RPS6KA1: variants seen among roughly 807,000 people sequenced by gnomAD.
RPS6KA1 encodes the protein ribosomal protein S6 kinase A1, also known as ribosomal protein S6 kinase alpha-1.
RPS6KA1 carries 48 observed loss-of-function variants against 91.3 expected under a neutral mutation model. That is an observed-to-expected ratio of 0.53 (90% confidence interval 0.42 to 0.67). RPS6KA1 has a LOEUF of 0.67. RPS6KA1 is among the 30% of genes least tolerant of loss of function. RPS6KA1 has a pLI of 0.00. For missense variants in RPS6KA1, 719 were observed against 960.5 expected (o/e 0.75, Z 3.32); for synonymous variants, 359 against 384.7 (o/e 0.93, Z 0.78).
intron 2 of RPS6KA1, among the ~76,000 whole-genome samples, chr1:26,545,335 AT>A (rs35845328): frequency 2.9e-4 from 41 of 142,586 alleles, no homozygotes; most frequent in East Asian, 8.2e-4. Flanking sequence ...CGCCTGGCCA[AT>A]TTTTTTTTTT....
rs977853643 is a variant in RPS6KA1, at chr1:26,571,289, A to G, written c.1591-160A>G. ...CTACACAGAGTCAGTAGCAGCAGCA[A>G]TAAGACCATCATTTCAGCCCCTTCC... On this transcript the variant is annotated intron_variant, in intron 17 of 21. Coordinates refer to ENST00000374168, the MANE Select transcript of RPS6KA1 (RefSeq NM_002953.4). The surrounding 1 kb of genome is among the most constrained non-coding windows in gnomAD (Gnocchi z 5.1). 3.5e-5 allele frequency: 23 copies of G among 656,550 alleles called. No individual in the cohort carries two copies. The Admixed American group carries it at 4.7e-4, about 13-fold the overall frequency. 40.7% of individuals were successfully genotyped at this position (656,550 alleles called of 1,614,324 possible). A position where few individuals can be genotyped will look rare whatever the true frequency, so the allele number is the denominator to read the frequency against.
At chr1:26,544,909 A>G (rs1304826248) in intron 2 of RPS6KA1, among the ~76,000 whole-genome samples, 2 of 151,150 alleles carry the variant, frequency 1.3e-5, no homozygotes, top group East Asian at 2.0e-4. Context: ...CCTATTGGGT[A>G]TATGTCCCCA....
In RPS6KA1 at chr1:26,571,834, CT is replaced by C. The variant is rs773462174; in HGVS notation, c.1753-14del. ...TGCCCCCCCAGACTGACCACCTCCC[CT>C]GCCCTGTTGCCAGGTGCTGAAGCGC... is the stretch of plus-strand genomic sequence containing the variant. On this transcript the variant is annotated splice_polypyrimidine_tract_variant and intron_variant, in intron 18 of 21. Transcript: ENST00000374168. This position sits in a 1 kb window ranked among gnomAD's most constrained non-coding sequence, Gnocchi z 5.1. The C allele has an allele frequency of 1.9e-6, 3 of 1,606,660 alleles. No homozygotes were observed. Among genetic ancestry groups the C allele is most frequent in the Non-Finnish European group, 2.5e-6 (3 of 1,179,378 alleles).
Position 26,557,010 on chromosome 1 carries a change from C to T in RPS6KA1, c.994C>T (p.Arg332Cys), listed in dbSNP as rs758148586. 21 of 1,613,710 alleles carry T rather than the reference C, an allele frequency of 1.3e-5. No individual in the cohort carries two copies. In the East Asian group the frequency reaches 1.3e-4, roughly 10 times the overall value. ...CCCCACTGTGCAGAAGCTATACCGT[C>T]GTGAGATCAAGCCACCCTTCAAGCC... The part of the protein sequence containing the change: ...STIDWNKLYR[R>C]EIKPPFKPAV... The change falls in exon 13 of 22, where the codon CGT (arginine) becomes TGT (cysteine). Residue 332 changes from arginine to cysteine, a missense_variant. By Grantham distance (180) the Arg-to-Cys change is radical (BLOSUM62 -3). Around this residue, in one of 5 missense-constraint regions of RPS6KA1, gnomAD observed 228 missense variants for 247.6 expected, o/e 0.92. Transcript: ENST00000374168.
At position 26,547,531 on chromosome 1, in the gene RPS6KA1, C is replaced by T. The variant is rs1299607142; in HGVS notation, c.307+261C>T. On this transcript the variant is annotated intron_variant, in intron 4 of 21. Transcript: ENST00000374168. The surrounding 1 kb of genome is among the most constrained non-coding windows in gnomAD (Gnocchi z 4.1). ...TGTGTTTGTCAGGGGGCGGGGCCCTCAACTACCAAGCTGGTCAAGCAGAGG... is the reference window on the plus strand; with the variant it reads ...TGTGTTTGTCAGGGGGCGGGGCCCTTAACTACCAAGCTGGTCAAGCAGAGG... The T allele has an allele frequency of 4.7e-6, 2 of 427,656 alleles. No individual in the cohort carries two copies. Among genetic ancestry groups the T allele is most frequent in the Non-Finnish European group, 8.8e-6 (2 of 228,234 alleles). The allele number at this position is 427,656 out of a possible 1,614,324, so 26.5% of individuals were successfully genotyped here. A position where few individuals can be genotyped will look rare whatever the true frequency, so the allele number is the denominator to read the frequency against.
intron 13 of RPS6KA1, among the ~76,000 whole-genome samples, chr1:26,557,721 A>G (rs1285642416): frequency 2.0e-5 from 3 of 150,356 alleles, no homozygotes; most frequent in African/African-American, 7.4e-5. Flanking sequence ...ACCTCCTATA[A>G]GGGCATGTTT....
rs1002261865 is a variant in RPS6KA1, at chr1:26,574,595, C to G, written c.*394C>G. On this transcript the variant is annotated 3_prime_UTR_variant, in exon 22 of 22. Transcript: ENST00000374168. The surrounding 1 kb of genome is among the most constrained non-coding windows in gnomAD (Gnocchi z 4.3). ...GCTTTGGGATCCCACCCTGGGGACC[C>G]CCACGATTGGCCACCTGTAGCCATC... is the stretch of plus-strand genomic sequence containing the variant. 2 of 397,074 alleles carry G rather than the reference C, an allele frequency of 5.0e-6. No homozygotes were observed. Among genetic ancestry groups the G allele is most frequent in the Admixed American group, 6.0e-5 (2 of 33,376 alleles). 24.6% of individuals were successfully genotyped at this position (397,074 alleles called of 1,614,324 possible). A position where few individuals can be genotyped will look rare whatever the true frequency, so the allele number is the denominator to read the frequency against.
intron 17 of RPS6KA1, among the ~76,000 whole-genome samples, chr1:26,562,931 G>C (rs1314311087): frequency 6.8e-6 from 1 of 146,266 alleles, no homozygotes. Context: ...CTGCCTCCCG[G>C]GTTCAAGTGA....
In RPS6KA1 at chr1:26,561,017, C is replaced by G; in HGVS notation, c.1342-28C>G. 1 of 1,608,642 alleles carries G rather than the reference C, an allele frequency of 6.2e-7. No individual in the cohort carries two copies. The highest frequency in any genetic ancestry group is 2.2e-5 in the East Asian group (1 of 44,832). ...AGGACCCTGGACCCTGTCACCCTGA[C>G]ACTGCCACATGCACCCCCTTTCTTC... is the stretch of plus-strand genomic sequence containing the variant. On this transcript the variant is annotated intron_variant, in intron 15 of 21. Transcript: ENST00000374168. The surrounding 1 kb of genome is among the most constrained non-coding windows in gnomAD (Gnocchi z 5.7).
intron 2 of RPS6KA1, chr1:26,546,040 G>A: frequency 6.2e-7 from 1 of 1,611,188 alleles, no homozygotes; most frequent in Non-Finnish European, 8.5e-7. Flanking sequence ...GACTCGGTGA[G>A]TGTGCCCGAA....
At chr1:26,573,836 G>A (rs905449943) in intron 21 of RPS6KA1, among the ~76,000 whole-genome samples, 1 of 152,068 alleles carries the variant, frequency 6.6e-6, no homozygotes, top group Non-Finnish European at 1.5e-5. Context: ...CATTTGGGAG[G>A]CTGAGACAGG....
chr1:26,561,467 C>A lies in RPS6KA1; in HGVS notation c.1432-38C>A, dbSNP rs765471904. 9 of 1,613,702 alleles carry A rather than the reference C, an allele frequency of 5.6e-6. No individual in the cohort carries two copies. Among genetic ancestry groups the A allele is most frequent in the African/African-American group, 1.3e-5 (1 of 74,914 alleles). ...TGCTGACCAGGGGGCTCAGGCCTGA[C>A]ACTGGGGAGAAGAGCCTGATGGTGA... On this transcript the variant is annotated intron_variant, in intron 16 of 21. Transcript: ENST00000374168. The surrounding 1 kb of genome is among the most constrained non-coding windows in gnomAD (Gnocchi z 5.7).
chr1:26,554,523 G>T lies in RPS6KA1; in HGVS notation c.614-73G>T, dbSNP rs553117371. 32 of 1,545,472 alleles carry T rather than the reference G, an allele frequency of 2.1e-5. No homozygotes were observed. In the Admixed American group the frequency reaches 5.8e-4, roughly 28 times the overall value. On this transcript the variant is annotated intron_variant, in intron 8 of 21. Coordinates refer to ENST00000374168, the MANE Select transcript of RPS6KA1 (RefSeq NM_002953.4). The surrounding 1 kb of genome is among the most constrained non-coding windows in gnomAD (Gnocchi z 4.6). ...TGCCTTCTGGCCTCTGGGCACGGGGGTTGGGTGTGCAAAGGGTGGCAGCAA... is the reference window on the plus strand; with the variant it reads ...TGCCTTCTGGCCTCTGGGCACGGGGTTTGGGTGTGCAAAGGGTGGCAGCAA...
chr1:26,552,390 A>G (rs1254913551), intron 6 of RPS6KA1, among the ~76,000 whole-genome samples: 2 of 150,132 alleles, frequency 1.3e-5, no homozygotes. Flanking sequence ...CTGTCTCAAA[A>G]AAAAAAAAAA....
chr1:26,546,674 G>C (rs2075997137), intron 2 of RPS6KA1, among the ~76,000 whole-genome samples, 193 bp from the exon 3 acceptor site: 1 of 152,262 alleles, frequency 6.6e-6, no homozygotes, highest in Admixed American at 6.5e-5. Flanking sequence ...AGCGGTGCCT[G>C]TTCTGGTTTG....
At position 26,555,499 on chromosome 1, in the gene RPS6KA1, C is replaced by T; in HGVS notation, c.828-38C>T. The T allele has an allele frequency of 1.9e-6, 3 of 1,544,654 alleles. No individual in the cohort carries two copies. The highest frequency in any genetic ancestry group is 2.6e-6 in the Non-Finnish European group (3 of 1,138,772). ...GCCGGGGGAGATGGGGCCTCTGGGG[C>T]AGGGCTCAGCCTTGATGAGTCCCGG... is the stretch of plus-strand genomic sequence containing the variant. On this transcript the variant is annotated intron_variant, in intron 10 of 21. Transcript: ENST00000374168. This position sits in a 1 kb window ranked among gnomAD's most constrained non-coding sequence, Gnocchi z 4.3.
At chr1:26,530,625 G>T in intron 1 of RPS6KA1, 1 of 537,754 alleles carries the variant, frequency 1.9e-6, no homozygotes, top group Non-Finnish European at 2.8e-6. Flanking sequence ...GCAGGGCGTG[G>T]GGGGACCTTG....
At chr1:26,553,536 G>A in intron 7 of RPS6KA1, 39 bp downstream of exon 7, 1 of 1,407,430 alleles carries the variant, frequency 7.1e-7, no homozygotes, top group Non-Finnish European at 1.0e-6. Flanking sequence ...CCTCCCCAGG[G>A]GAGGCCTCTT....
chr1:26,552,214 C>G (rs1215914833), intron 6 of RPS6KA1, among the ~76,000 whole-genome samples: 1 of 151,756 alleles, frequency 6.6e-6, no homozygotes, highest in Non-Finnish European at 1.5e-5. Flanking sequence ...ATGGTGAAAC[C>G]CCGTCTCTAC....
Sources: gnomAD v4.1 joint callset for allele counts (sites outside exome capture counted in the v4.1 genomes callset) on GRCh38, gnomAD v4.1.1 for gene constraint, gnomAD v4.1.1 regional missense constraint, Gnocchi (gnomAD v3.1) non-coding constraint, MANE v1.5 for transcripts, NCBI Gene and HGNC (gene_info 2026-07-23, HGNC 2026-07-21) for gene names.